Variants in THADA observed in about 807,000 individuals in gnomAD.
The protein encoded by THADA is THADA armadillo repeat containing, also known as tRNA (32-2'-O)-methyltransferase regulator THADA.
Under a neutral mutation model 219.8 loss-of-function variants are expected in THADA, and 213 were observed. The observed-to-expected ratio is 0.97, with a 90% CI of 0.87 to 1.09. The LOEUF (loss-of-function observed/expected upper bound fraction) is 1.09. THADA is among the 50% of genes least tolerant of loss of function. The pLI is 0.00. For missense variants in THADA, 2,956 were observed against 2,311.3 expected, an observed-to-expected ratio of 1.28 and a Z score of -5.72; for synonymous variants, 1,018 against 828.9, an observed-to-expected ratio of 1.23 and a Z score of -3.92.
chr2:43,562,092 T>C (rs7600872), intron 15 of THADA: 106,569 of 152,124 alleles, frequency 0.7, 38,870 homozygotes, highest in African/African-American at 0.87. Context: ...CTGGGATAAA[T>C]TCCACTTACT....
chr2:43,345,573 C>T (rs539745868), intron 29 of THADA, among the ~76,000 whole-genome samples: 4 of 152,196 alleles, frequency 2.6e-5, no homozygotes, highest in Non-Finnish European at 4.4e-5. Flanking sequence ...AACCACCCGA[C>T]GTGGAGTCTG....
At chr2:43,315,852 G>A (rs561782307) in intron 31 of THADA, among the ~76,000 whole-genome samples, 1 of 152,334 alleles carries the variant, frequency 6.6e-6, no homozygotes, top group South Asian at 2.1e-4. Flanking sequence ...AGAAAGAAAT[G>A]TCACATTGTC....
At chr2:43,387,926 C>G (rs780206917) in intron 29 of THADA, among the ~76,000 whole-genome samples, 4 of 152,172 alleles carry the variant, frequency 2.6e-5, no homozygotes, top group Non-Finnish European at 4.4e-5. Context: ...TTTAAACTTT[C>G]CTTTAAGCCT....
intron 26 of THADA, among the ~76,000 whole-genome samples, chr2:43,456,826 T>C (rs1480663436): frequency 2.6e-5 from 4 of 152,064 alleles, no homozygotes; most frequent in Non-Finnish European, 5.9e-5. Flanking sequence ...ACAATTAAGT[T>C]CAACACACTC....
chr2:43,509,427 A>G (rs900261054), intron 22 of THADA, among the ~76,000 whole-genome samples: 4 of 152,206 alleles, frequency 2.6e-5, no homozygotes, highest in African/African-American at 9.6e-5. Flanking sequence ...GCCCTACTAG[A>G]CTGTATAACA....
At chr2:43,281,058 A>G (rs1673297841) in intron 35 of THADA, among the ~76,000 whole-genome samples, 2 of 152,144 alleles carry the variant, frequency 1.3e-5, no homozygotes, top group African/African-American at 2.4e-5. Flanking sequence ...GCCATGGAAG[A>G]CCACCACGCA....
intron 31 of THADA, among the ~76,000 whole-genome samples, chr2:43,305,733 G>GCC (rs1164384330): frequency 6.6e-6 from 1 of 152,070 alleles, no homozygotes; most frequent in Admixed American, 6.5e-5. Flanking sequence ...CAGGCCCTGG[G>GCC]TGGGACCCAC....
rs1209592390 is a variant in THADA, at chr2:43,515,331, A to G, written c.3375-6551T>C. On this transcript the variant is annotated intron_variant, in intron 22 of 37. Transcript: ENST00000405975. The stretch of plus-strand genomic sequence containing the variant: ...ATATATAATATTTTATATATAATAT[A>G]TAATATAATATATAATATTTTATAT... Among the ~76,000 whole-genome samples, 52 of 26,648 alleles carry G rather than the reference A, an allele frequency of 2.0e-3. 1 individual carries two copies. In the East Asian group the frequency reaches 0.025, roughly 13 times the overall value. 17.5% of individuals were successfully genotyped at this position (26,648 alleles called of 152,430 possible). A position where few individuals can be genotyped will look rare whatever the true frequency, so the allele number is the denominator to read the frequency against.
At chr2:43,535,065 T>C (rs1200703486) in intron 21 of THADA, among the ~76,000 whole-genome samples, 1 of 152,128 alleles carries the variant, frequency 6.6e-6, no homozygotes, top group Non-Finnish European at 1.5e-5. Context: ...GATATCTCAT[T>C]GTGGTTTTGA....
At chr2:43,449,125 T>C (rs1033981963) in intron 26 of THADA, among the ~76,000 whole-genome samples, 1 of 151,890 alleles carries the variant, frequency 6.6e-6, no homozygotes, top group African/African-American at 2.4e-5. Flanking sequence ...AATAAATAGA[T>C]AGAAACCTAA....
At position 43,552,092 on chromosome 2, in the gene THADA, T is replaced by C. The variant is rs1224827778; in HGVS notation, c.2810+112A>G. 2.0e-6 allele frequency: 3 copies of C among 1,518,522 alleles called. No homozygotes were observed. The African/African-American group carries it at 4.2e-5, about 21-fold the overall frequency. 94.1% of individuals were successfully genotyped at this position (1,518,522 alleles called of 1,614,324 possible). On this transcript the variant is annotated intron_variant, in intron 18 of 37. Coordinates refer to ENST00000405975, the MANE Select transcript of THADA (RefSeq NM_022065.5). ...GTATGTTTTTAAATCTGATTTTCAA[T>C]TTTATTCAAAGCAATAGACTGCATT...
chr2:43,381,583 C>CTTT (rs758714440), intron 29 of THADA, among the ~76,000 whole-genome samples: 2 of 141,388 alleles, frequency 1.4e-5, no homozygotes, highest in Non-Finnish European at 3.1e-5. Context: ...AGTGATAAGT[C>CTTT]TTTTTTTTTT....
chr2:43,327,914 T>TGGCC (rs1679523561), intron 30 of THADA, among the ~76,000 whole-genome samples: 1 of 152,224 alleles, frequency 6.6e-6, no homozygotes, highest in African/African-American at 2.4e-5. Flanking sequence ...GAGATCCCAC[T>TGGCC]GGCCATCTTT....
At chr2:43,388,061 A>G (rs1160715027) in intron 29 of THADA, among the ~76,000 whole-genome samples, 1 of 152,222 alleles carries the variant, frequency 6.6e-6, no homozygotes, top group Non-Finnish European at 1.5e-5. Flanking sequence ...AAATATATCT[A>G]AGAGCTATAG....
At position 43,398,062 on chromosome 2, in the gene THADA, A is replaced by T; in HGVS notation, c.4136T>A (p.Ile1379Asn). The stretch of plus-strand genomic sequence containing the variant: ...CAACAGAGTTCGAATGGTATTAGGA[A>T]TGTGATCTATCATAACAAATGGGAC... ...ALVPFVMIDHIPNTIRTLLST... is the reference protein window; with the variant it reads ...ALVPFVMIDHNPNTIRTLLST... The change falls in exon 29 of 38, where the codon ATT becomes AAT. Residue 1379 changes from isoleucine to asparagine, a missense_variant. Transcript: ENST00000405975. 1 of 1,614,028 alleles carries T rather than the reference A, an allele frequency of 6.2e-7. No homozygotes were observed. The highest frequency in any genetic ancestry group is 8.5e-7 in the Non-Finnish European group (1 of 1,179,872).
chr2:43,539,027 G>C (rs368728783), intron 21 of THADA, among the ~76,000 whole-genome samples: 1 of 152,202 alleles, frequency 6.6e-6, no homozygotes, highest in Non-Finnish European at 1.5e-5. Context: ...GAATAGAATT[G>C]TATTTTAGAC....
At chr2:43,505,873 T>C (rs1161690144) in intron 23 of THADA, 138 bp from the exon 24 acceptor site, 2 of 650,464 alleles carry the variant, frequency 3.1e-6, no homozygotes, top group South Asian at 2.0e-5. Context: ...TTAAGCCATG[T>C]GGCCGTGGGC....
chr2:43,481,331 G>T (rs1205142995), intron 26 of THADA, among the ~76,000 whole-genome samples: 1 of 152,146 alleles, frequency 6.6e-6, no homozygotes, highest in Non-Finnish European at 1.5e-5. Context: ...CATGATTTTA[G>T]AAACACATTT....
intron 26 of THADA, among the ~76,000 whole-genome samples, chr2:43,446,609 G>A (rs1573690835): frequency 6.6e-6 from 1 of 152,148 alleles, no homozygotes; most frequent in Non-Finnish European, 1.5e-5. Flanking sequence ...GGCGAAGAAG[G>A]ACTGCCCAGC....
Sources: allele counts gnomAD v4.1 joint callset (sites outside exome capture counted in the v4.1 genomes callset), GRCh38; gene constraint gnomAD v4.1.1; transcripts MANE v1.5; gene names NCBI Gene and HGNC (gene_info 2026-07-23, HGNC 2026-07-21).